FREM2: variants seen among roughly 807,000 people sequenced by gnomAD.
The protein encoded by FREM2 is FRAS1-related extracellular matrix protein 2.
FREM2 carries 119 observed loss-of-function variants against 219.9 expected under a neutral mutation model. The observed-to-expected ratio is 0.54, with a 90% CI of 0.47 to 0.63. The LOEUF is 0.63. Among genes scored for constraint, FREM2 ranks in the 30% least tolerant of loss-of-function variants. The pLI is 0.00. For missense variants in FREM2, 4,030 were observed against 3,993.6 expected, an observed-to-expected ratio of 1.01 and a Z score of -0.25; for synonymous variants, 1,562 against 1,522.8, an observed-to-expected ratio of 1.03 and a Z score of -0.60.
rs1451794568 is a variant in FREM2, at chr13:38,769,500, T to A, written c.5411-78T>A. ...CTTTGCTTTTCAGGATAAAATGACA[T>A]GCAAAAAGTTAACAAGGAAAATCTT... On this transcript the variant is annotated intron_variant, in intron 3 of 23. Transcript: ENST00000280481. 4 of 1,296,864 alleles carry A rather than the reference T, an allele frequency of 3.1e-6. No homozygotes were observed. In the African/African-American group the frequency reaches 5.9e-5, roughly 19 times the overall value. 80.3% of individuals were successfully genotyped at this position (1,296,864 alleles called of 1,614,324 possible). A position where few individuals can be genotyped will look rare whatever the true frequency, so the allele number is the denominator to read the frequency against.
intron 6 of FREM2, among the ~76,000 whole-genome samples, chr13:38,817,296 C>T (rs184483091): frequency 1.3e-5 from 2 of 152,140 alleles, no homozygotes; most frequent in Admixed American, 6.6e-5. Context: ...CTTCATACTA[C>T]CTCACTTCAA....
intron 6 of FREM2, among the ~76,000 whole-genome samples, chr13:38,815,824 G>A (rs1158640434): frequency 6.6e-6 from 1 of 152,162 alleles, no homozygotes; most frequent in African/African-American, 2.4e-5. Context: ...AATAAAATGA[G>A]AACTCACTTA....
At chr13:38,736,010 A>T (rs1456212661) in intron 2 of FREM2, among the ~76,000 whole-genome samples, 1 of 152,136 alleles carries the variant, frequency 6.6e-6, no homozygotes, top group Admixed American at 6.5e-5. Context: ...ATCTTCCAGG[A>T]GGGAGGCCTT....
intron 6 of FREM2, among the ~76,000 whole-genome samples, chr13:38,806,812 A>G (rs1239421222): frequency 6.6e-6 from 1 of 151,846 alleles, no homozygotes; most frequent in East Asian, 2.0e-4. Context: ...ACTTCATTCA[A>G]AATTGGAGTA....
At position 38,856,176 on chromosome 13, in the gene FREM2, A is replaced by G; in HGVS notation, c.6976A>G (p.Thr2326Ala). ...ETQHVVEIEVTFDGVREMREA... is the reference protein window; with the variant it reads ...ETQHVVEIEVAFDGVREMREA... ...CCAGCACGTGGTTGAAATCGAAGTT[A>G]CCTTTGACGGGGTGAGAGAGATGAG... Residue 2326 changes from threonine to alanine, a missense_variant, in exon 12 of 24, where the codon ACC (threonine) becomes GCC (alanine). By Grantham distance (58) the Thr-to-Ala change is moderately conservative. This residue lies in a region of FREM2 where 3,102 missense variants were observed against 2,950.7 expected (regional missense o/e 1.05). Coordinates refer to ENST00000280481, the MANE Select transcript of FREM2 (RefSeq NM_207361.6). 4 of 1,612,320 alleles carry G rather than the reference A, an allele frequency of 2.5e-6. No homozygotes were observed. Among genetic ancestry groups the G allele is most frequent in the Non-Finnish European group, 3.4e-6 (4 of 1,178,486 alleles).
intron 2 of FREM2, among the ~76,000 whole-genome samples, chr13:38,741,291 C>T (rs1251150560): frequency 6.6e-6 from 1 of 152,146 alleles, no homozygotes; most frequent in Non-Finnish European, 1.5e-5. Flanking sequence ...CAGTGTTAGA[C>T]ATTCAGAAAT....
chr13:38,735,734 G>C (rs1056312314), intron 2 of FREM2, among the ~76,000 whole-genome samples: 4 of 152,156 alleles, frequency 2.6e-5, no homozygotes, highest in Non-Finnish European at 5.9e-5. Context: ...TAGCAGCTGA[G>C]GTTCTGTTGT....
At chr13:38,736,724 A>G (rs994224011) in intron 2 of FREM2, among the ~76,000 whole-genome samples, 2 of 152,204 alleles carry the variant, frequency 1.3e-5, no homozygotes, top group African/African-American at 4.8e-5. Context: ...GTTTAAATAA[A>G]TACTGAAAAT....
At chr13:38,770,826 T>C (rs1593396702) in intron 4 of FREM2, among the ~76,000 whole-genome samples, 1 of 151,914 alleles carries the variant, frequency 6.6e-6, no homozygotes, top group Admixed American at 6.6e-5. Context: ...ACTTCTACAG[T>C]CCTGGCTTGT....
At position 38,687,772 on chromosome 13, in the gene FREM2, C is replaced by T; in HGVS notation, c.428C>T (p.Ala143Val). 5 of 1,538,028 alleles carry T rather than the reference C, an allele frequency of 3.3e-6. No individual in the cohort carries two copies. The highest frequency in any genetic ancestry group is 1.7e-4 in the Middle Eastern group (1 of 5,726). Residue 143 changes from alanine to valine, a missense_variant, in exon 1 of 24, where the codon GCG (alanine) becomes GTG (valine). By Grantham distance (64) the Ala-to-Val change is moderately conservative. Coordinates refer to ENST00000280481, the MANE Select transcript of FREM2 (RefSeq NM_207361.6). ...PGEVRYSHLG[A>V]RSPSRDRVRL... ...GAGGTGCGCTACTCTCACCTGGGCG[C>T]GCGCAGCCCGTCTCGGGACCGCGTC...
chr13:38,870,901 C>T (rs1317970488), intron 16 of FREM2, among the ~76,000 whole-genome samples: 1 of 152,084 alleles, frequency 6.6e-6, no homozygotes, highest in Non-Finnish European at 1.5e-5. Flanking sequence ...ACCTATAAAG[C>T]TTAATTGGAA....
chr13:38,788,096 C>T (rs999493582), intron 6 of FREM2, among the ~76,000 whole-genome samples: 13 of 152,218 alleles, frequency 8.5e-5, no homozygotes, highest in Middle Eastern at 6.8e-3. Flanking sequence ...CATATCCTGG[C>T]ACTCATTTAG....
Position 38,712,065 on chromosome 13 carries a change from C to A in FREM2, c.5263+14278C>A, listed in dbSNP as rs953516636. Reference sequence around the variant, plus strand: ...CCTCCCTAATAGCTGGGACTACAGGCGCCTTCCCCCACCCCCAGCTAATTT... The same window carrying A: ...CCTCCCTAATAGCTGGGACTACAGGAGCCTTCCCCCACCCCCAGCTAATTT... On this transcript the variant is annotated intron_variant, in intron 2 of 23. Coordinates refer to ENST00000280481, the MANE Select transcript of FREM2 (RefSeq NM_207361.6). Among the ~76,000 whole-genome samples the A allele has an allele frequency of 3.8e-4, 57 of 151,706 alleles. 1 individual carries two copies. The highest frequency in any genetic ancestry group is 3.6e-3 in the Admixed American group (54 of 15,194).
At chr13:38,816,033 A>G (rs1017132919) in intron 6 of FREM2, among the ~76,000 whole-genome samples, 4 of 152,222 alleles carry the variant, frequency 2.6e-5, no homozygotes, top group African/African-American at 9.6e-5. Flanking sequence ...TTGAACCATG[A>G]AGAAATAGAA....
rs755223411 is a variant in FREM2 at position 38,692,279 on chromosome 13, G to T, written c.4935G>T (p.Lys1645Asn). The part of the protein sequence containing the change: ...VFETRRPQVM[K>N]IQVLAVDNSV... ...AAACAAGGAGACCCCAAGTGATGAA[G>T]ATCCAGGTCTTGGCTGTTGACAACA... The change falls in exon 1 of 24, where the codon AAG (lysine) becomes AAT (asparagine). Residue 1645 changes from lysine (K) to asparagine (N), a missense_variant. This residue lies in a region of FREM2 where 3,102 missense variants were observed against 2,950.7 expected (regional missense o/e 1.05). Transcript: ENST00000280481. 6.2e-7 allele frequency: 1 copy of T among 1,613,688 alleles called. No homozygotes were observed. Among genetic ancestry groups the T allele is most frequent in the East Asian group, 2.2e-5 (1 of 44,856 alleles).
chr13:38,861,666 A>G (rs896228816), intron 15 of FREM2, 104 bp downstream of exon 15: 30 of 1,290,762 alleles, frequency 2.3e-5, no homozygotes, highest in Admixed American at 1.5e-4. Flanking sequence ...TAAACGTTCA[A>G]TTTGCAACTT....
chr13:38,728,703 G>A (rs1191951191), intron 2 of FREM2, among the ~76,000 whole-genome samples: 5 of 149,252 alleles, frequency 3.4e-5, no homozygotes, highest in African/African-American at 9.9e-5. Flanking sequence ...TGAACCACCC[G>A]TACCTGGCTA....
chr13:38,810,355 G>A (rs1478468208), intron 6 of FREM2, among the ~76,000 whole-genome samples: 1 of 151,916 alleles, frequency 6.6e-6, no homozygotes, highest in Non-Finnish European at 1.5e-5. Context: ...CCAGTTATAT[G>A]TTGGTTAACA....
chr13:38,731,819 G>A (rs751056080), intron 2 of FREM2, among the ~76,000 whole-genome samples: 18 of 152,080 alleles, frequency 1.2e-4, no homozygotes, highest in East Asian at 1.9e-4. Flanking sequence ...AAATGGCCTC[G>A]GTCAAGCTGC....
Sources: gnomAD v4.1 joint callset for allele counts (sites outside exome capture counted in the v4.1 genomes callset) on GRCh38, gnomAD v4.1.1 for gene constraint, gnomAD v4.1.1 regional missense constraint, MANE v1.5 for transcripts, NCBI Gene and HGNC (gene_info 2026-07-23, HGNC 2026-07-21) for gene names.